The following SCO1 variants were observed in gnomAD, a reference collection of about 807,000 sequenced individuals.
SCO1 encodes the protein cytochrome c oxidase assembly factor SCO1.
Under a neutral mutation model 34.0 loss-of-function variants are expected in SCO1, and 23 were observed. The ratio of observed to expected loss-of-function variants is 0.68; its 90% CI spans 0.49 to 0.96. The LOEUF (loss-of-function observed/expected upper bound fraction) is 0.96, where lower values mean the gene tolerates loss of function less well. Among genes scored for constraint, SCO1 ranks in the 40% least tolerant of loss-of-function variants. The probability of loss-of-function intolerance (pLI) is 0.00; values close to 1 mark genes in which losing one functional copy is unlikely to be tolerated. For synonymous variants in SCO1, 161 were observed against 145.5 expected (o/e 1.11, Z -0.77); for missense variants, 404 against 381.6 (o/e 1.06, Z -0.49).
rs778006240 is a variant in SCO1, at chr17:10,681,108, C to T, written c.*11G>A. 2.5e-6 allele frequency: 4 copies of T among 1,614,212 alleles called. No homozygotes were observed. In the East Asian group the frequency reaches 6.7e-5, roughly 27 times the overall value. ...AGCAAGAGAATACTGCATCCAGCAA[C>T]ACTGCTTTGGCTAGCTCTTTTTTCT... On this transcript the variant is annotated 3_prime_UTR_variant, in exon 6 of 6. Coordinates refer to ENST00000255390, the MANE Select transcript of SCO1 (RefSeq NM_004589.4).
At position 10,692,920 on chromosome 17, in the gene SCO1, G is replaced by A. The variant is rs779491884; in HGVS notation, c.406C>T (p.Leu136Phe). 7 of 1,614,090 alleles carry A rather than the reference G, an allele frequency of 4.3e-6. No individual in the cohort carries two copies. Among genetic ancestry groups the A allele is most frequent in the East Asian group, 2.2e-5 (1 of 44,858 alleles). ...GTTGTGAGGGAAAACGGTCCCCCAAGTAAAGGCTTGCCGATGTGTCGCTGC... is the reference window on the plus strand; with the variant it reads ...GTTGTGAGGGAAAACGGTCCCCCAAATAAAGGCTTGCCGATGTGTCGCTGC... ...ERQRHIGKPL[L>F]GGPFSLTTHT... Residue 136 changes from leucine (L) to phenylalanine (F), a missense_variant, in exon 3 of 6, where the codon CTT (leucine) becomes TTT (phenylalanine). Transcript: ENST00000255390.
chr17:10,686,225 G>C (rs1441105828), intron 5 of SCO1, among the ~76,000 whole-genome samples: 1 of 151,954 alleles, frequency 6.6e-6, no homozygotes, highest in African/African-American at 2.4e-5. Context: ...CTGGCTGACG[G>C]AGTGAGACTC....
rs2074565411 is a variant in SCO1, at chr17:10,674,107, G to A, written c.*7012C>T. 1 of 152,470 alleles carries A rather than the reference G, an allele frequency of 6.6e-6. No individual in the cohort carries two copies. The highest frequency in any genetic ancestry group is 6.5e-5 in the Admixed American group (1 of 15,274). 9.4% of individuals were successfully genotyped at this position (152,470 alleles called of 1,614,324 possible). On this transcript the variant is annotated 3_prime_UTR_variant, in exon 6 of 6. Transcript: ENST00000255390. ...ATCCATGTGCCTAAGACTGAGGTGG[G>A]GATCTTGTTAAAATACAGACTGTGG... is the stretch of plus-strand genomic sequence containing the variant.
At chr17:10,683,641 T>A (rs1053493781) in intron 5 of SCO1, among the ~76,000 whole-genome samples, 5 of 152,010 alleles carry the variant, frequency 3.3e-5, no homozygotes, top group Non-Finnish European at 5.9e-5. Context: ...AATTCACATT[T>A]CTTTTATTAT....
At chr17:10,694,827 A>G (rs1171872196) in intron 2 of SCO1, among the ~76,000 whole-genome samples, 1 of 152,158 alleles carries the variant, frequency 6.6e-6, no homozygotes, top group Non-Finnish European at 1.5e-5. Flanking sequence ...ATCTTACCCA[A>G]TACTACTTAT....
chr17:10,680,787 G>C lies in SCO1; in HGVS notation c.*332C>G. On this transcript the variant is annotated 3_prime_UTR_variant, in exon 6 of 6. Coordinates refer to ENST00000255390, the MANE Select transcript of SCO1 (RefSeq NM_004589.4). The stretch of plus-strand genomic sequence containing the variant: ...ACGATGGAGAGGCGGCAAAGCTGCT[G>C]GGAGGGCCTGTTCGCAGGCAGGAAT... The C allele has an allele frequency of 5.1e-6, 2 of 395,410 alleles. No homozygotes were observed. Among genetic ancestry groups the C allele is most frequent in the South Asian group, 2.5e-5 (1 of 40,744 alleles). 24.5% of individuals were successfully genotyped at this position (395,410 alleles called of 1,614,324 possible).
intron 2 of SCO1, among the ~76,000 whole-genome samples, chr17:10,694,884 ACTG>A (rs2074712383): frequency 6.6e-6 from 1 of 152,134 alleles, no homozygotes; most frequent in Non-Finnish European, 1.5e-5. Context: ...AAAACTTAAC[ACTG>A]CTAAGTTCCT....
intron 4 of SCO1, among the ~76,000 whole-genome samples, chr17:10,687,898 T>A (rs2074666516): frequency 6.6e-6 from 1 of 152,184 alleles, no homozygotes; most frequent in African/African-American, 2.4e-5. Flanking sequence ...TTTTTGCCAA[T>A]ATAACACATG....
chr17:10,695,899 T>G (rs1000391063), intron 1 of SCO1, 68 bp from the exon 2 acceptor site: 14 of 1,196,564 alleles, frequency 1.2e-5, no homozygotes, highest in Admixed American at 3.4e-5. Flanking sequence ...TACAAACTTA[T>G]TAAAGTAGTT....
At chr17:10,686,267 T>C (rs2074655621) in intron 5 of SCO1, among the ~76,000 whole-genome samples, 1 of 148,948 alleles carries the variant, frequency 6.7e-6, no homozygotes, top group Admixed American at 6.7e-5. Context: ...GTAAAAAACA[T>C]GCTTCTATTA....
rs1439128718 is a variant in SCO1 at position 10,681,109 on chromosome 17, A to G, written c.*10T>C. ...GCAAGAGAATACTGCATCCAGCAAC[A>G]CTGCTTTGGCTAGCTCTTTTTTCTG... On this transcript the variant is annotated 3_prime_UTR_variant, in exon 6 of 6. Transcript: ENST00000255390. 1.2e-6 allele frequency: 2 copies of G among 1,614,058 alleles called. No homozygotes were observed. The highest frequency in any genetic ancestry group is 1.3e-5 in the African/African-American group (1 of 74,920).
rs187957021 is a variant in SCO1, at chr17:10,686,377, C to T, written c.771+350G>A. Among the ~76,000 whole-genome samples the T allele has an allele frequency of 3.1e-3, 477 of 152,038 alleles. 3 individuals are homozygous for T. The highest frequency in any genetic ancestry group is 4.9e-3 in the Non-Finnish European group (333 of 67,970). ...GCTGAGGCGGGTAAGGTCAGGAGTT[C>T]GAGACCAGCCTGGCCAACGTGGTGA... On this transcript the variant is annotated intron_variant, in intron 5 of 5. Transcript: ENST00000255390.
At chr17:10,696,281 C>A (rs1363993523) in intron 1 of SCO1, among the ~76,000 whole-genome samples, 2 of 151,822 alleles carry the variant, frequency 1.3e-5, no homozygotes, top group African/African-American at 4.8e-5. Context: ...CCCATCTCCA[C>A]TGAAAATACA....
At chr17:10,696,040 A>C (rs1257635887) in intron 1 of SCO1, among the ~76,000 whole-genome samples, 1 of 138,634 alleles carries the variant, frequency 7.2e-6, no homozygotes, top group Non-Finnish European at 1.5e-5. Flanking sequence ...CTCCAGGGGA[A>C]AGTTCCCTAA....
chr17:10,697,169 G>A (rs2074735640), intron 1 of SCO1, 66 bp downstream of exon 1: 3 of 1,415,790 alleles, frequency 2.1e-6, no homozygotes, highest in Admixed American at 2.7e-5. Flanking sequence ...CGACCAAGTG[G>A]GATGTGGCCG....
Position 10,695,907 on chromosome 17 carries a change from G to T in SCO1, c.274-76C>A, listed in dbSNP as rs1376805627. 6 of 1,061,974 alleles carry T rather than the reference G, an allele frequency of 5.6e-6. No individual in the cohort carries two copies. The East Asian group carries it at 1.4e-4, about 25-fold the overall frequency. The allele number at this position is 1,061,974 out of a possible 1,614,324, so 65.8% of individuals were successfully genotyped here. A position where few individuals can be genotyped will look rare whatever the true frequency, so the allele number is the denominator to read the frequency against. ...TTAACCATACAAACTTATTAAAGTA[G>T]TTTTTAATATACATACACACAGGCC... On this transcript the variant is annotated intron_variant, in intron 1 of 5. Transcript: ENST00000255390.
rs923673593 is a variant in SCO1 at position 10,674,803 on chromosome 17, C to T, written c.*6316G>A. 3.3e-5 allele frequency: 5 copies of T among 152,330 alleles called. No homozygotes were observed. Among genetic ancestry groups the T allele is most frequent in the African/African-American group, 4.8e-5 (2 of 41,434 alleles). 9.4% of individuals were successfully genotyped at this position (152,330 alleles called of 1,614,324 possible). On this transcript the variant is annotated 3_prime_UTR_variant, in exon 6 of 6. Transcript: ENST00000255390. Reference sequence around the variant, plus strand: ...GCTCAGCCTTGGCCCCTTACCTTTGCATCATCCTTGAATGGAAAAAGGATC... The same window carrying T: ...GCTCAGCCTTGGCCCCTTACCTTTGTATCATCCTTGAATGGAAAAAGGATC...
intron 5 of SCO1, chr17:10,683,987 T>G (rs947354798): frequency 6.6e-6 from 1 of 152,168 alleles, no homozygotes; most frequent in African/African-American, 2.4e-5. Context: ...TGAAAATCTG[T>G]GACCTCAAGG....
intron 2 of SCO1, among the ~76,000 whole-genome samples, chr17:10,693,523 G>A (rs1198885986): frequency 1.3e-5 from 2 of 152,236 alleles, no homozygotes; most frequent in African/African-American, 4.8e-5. Context: ...GCAGGTACTA[G>A]TGTGAACTTC....
Sources: gnomAD v4.1 joint callset for allele counts (sites outside exome capture counted in the v4.1 genomes callset) on GRCh38, gnomAD v4.1.1 for gene constraint, MANE v1.5 for transcripts, NCBI Gene and HGNC (gene_info 2026-07-23, HGNC 2026-07-21) for gene names.